TRIQK: variants seen among roughly 807,000 people sequenced by gnomAD.
The protein encoded by TRIQK is triple QxxK/R motif containing.
Under a neutral mutation model 10.8 loss-of-function variants are expected in TRIQK, and 10 were observed. The observed-to-expected ratio is 0.92, with a 90% CI of 0.57 to 1.57. The LOEUF is 1.57. Ranked by LOEUF, TRIQK falls within the 40% of genes most tolerant of loss-of-function variation. The probability of loss-of-function intolerance (pLI) is 0.00; values close to 1 mark genes in which losing one functional copy is unlikely to be tolerated. For missense variants in TRIQK, 107 were observed against 97.7 expected, an observed-to-expected ratio of 1.09 and a Z score of -0.40; for synonymous variants, 33 against 33.7, an observed-to-expected ratio of 0.98 and a Z score of 0.07.
chr8:92,970,363 T>G (rs1313411898), upstream of TRIQK, among the ~76,000 whole-genome samples: 1 of 152,208 alleles, frequency 6.6e-6, no homozygotes, highest in African/African-American at 2.4e-5. Flanking sequence ...TCTAGGTCTT[T>G]AAGGAATTGC....
chr8:92,938,370 C>A (rs1264001785), intron 2 of TRIQK, among the ~76,000 whole-genome samples: 1 of 151,858 alleles, frequency 6.6e-6, no homozygotes, highest in African/African-American at 2.4e-5. Flanking sequence ...CATCACCAAC[C>A]ATTTTAAATT....
intron 1 of TRIQK, among the ~76,000 whole-genome samples, chr8:92,957,777 ACTT>A (rs1318062349): frequency 6.6e-6 from 1 of 151,810 alleles, no homozygotes; most frequent in Non-Finnish European, 1.5e-5. Context: ...TTTATAAGTA[ACTT>A]CTTAATATTC....
At chr8:92,895,924 A>T (rs980127568) in intron 3 of TRIQK, among the ~76,000 whole-genome samples, 2 of 150,952 alleles carry the variant, frequency 1.3e-5, no homozygotes, top group Admixed American at 6.6e-5. Flanking sequence ...TGTAAAGAAT[A>T]AAAAAAAAGT....
At chr8:93,014,519 A>C (rs911588236) in intron 1 of TRIQK, among the ~76,000 whole-genome samples, 3 of 152,188 alleles carry the variant, frequency 2.0e-5, no homozygotes, top group Admixed American at 6.5e-5. Flanking sequence ...CAGTTTTGTG[A>C]GTCTTACTGG....
At chr8:92,948,538 A>C (rs1189755679) in intron 2 of TRIQK, among the ~76,000 whole-genome samples, 7 of 152,340 alleles carry the variant, frequency 4.6e-5, no homozygotes, top group Non-Finnish European at 5.9e-5. Flanking sequence ...TCATTGCAAC[A>C]GGAAAGTTGT....
At chr8:92,964,690 C>G (rs1395596213) in intron 1 of TRIQK, among the ~76,000 whole-genome samples, 1 of 150,720 alleles carries the variant, frequency 6.6e-6, no homozygotes, top group Non-Finnish European at 1.5e-5. Flanking sequence ...AAATTTGGAT[C>G]ATATACACAA....
At chr8:93,004,774 A>T (rs745674935) in intron 1 of TRIQK, among the ~76,000 whole-genome samples, 12 of 152,314 alleles carry the variant, frequency 7.9e-5, no homozygotes, top group Non-Finnish European at 1.6e-4. Context: ...AGTTCCACAG[A>T]TCCCTACAGC....
At chr8:92,941,042 G>T (rs530229072) in intron 2 of TRIQK, 1 of 152,084 alleles carries the variant, frequency 6.6e-6, no homozygotes, top group East Asian at 1.9e-4. Flanking sequence ...GGTTAATGAA[G>T]AAATTAAAAG....
chr8:92,930,205 C>G (rs1402366919), intron 2 of TRIQK, among the ~76,000 whole-genome samples: 1 of 150,330 alleles, frequency 6.7e-6, no homozygotes, highest in Non-Finnish European at 1.5e-5. Flanking sequence ...TGGTGAAACA[C>G]CCCCCCACCC....
chr8:92,902,454 G>A (rs1363225166), intron 3 of TRIQK, among the ~76,000 whole-genome samples: 1 of 152,150 alleles, frequency 6.6e-6, no homozygotes, highest in Non-Finnish European at 1.5e-5. Context: ...CAAAGGTGAA[G>A]TACGGGAAAG....
intron 3 of TRIQK, among the ~76,000 whole-genome samples, chr8:92,898,430 A>G (rs1808724284): frequency 6.6e-6 from 1 of 152,216 alleles, no homozygotes; most frequent in East Asian, 1.9e-4. Context: ...ACTGAGATTC[A>G]CCTGTTTTTC....
chr8:92,997,900 A>T (rs1469833724), intron 1 of TRIQK, among the ~76,000 whole-genome samples: 1 of 152,088 alleles, frequency 6.6e-6, no homozygotes, highest in African/African-American at 2.4e-5. Flanking sequence ...GTTTATTATT[A>T]TAAGATTTCA....
chr8:92,970,422 T>G (rs1812862954), upstream of TRIQK, among the ~76,000 whole-genome samples: 1 of 152,232 alleles, frequency 6.6e-6, no homozygotes, highest in Admixed American at 6.5e-5. Flanking sequence ...CCACCAACAG[T>G]GTAAAAGTGT....
chr8:92,991,064 G>T (rs556922994), intron 1 of TRIQK, among the ~76,000 whole-genome samples: 3 of 152,266 alleles, frequency 2.0e-5, no homozygotes, highest in South Asian at 4.1e-4. Flanking sequence ...TGGCTTGGTG[G>T]GGGGAGGGAG....
chr8:92,914,234 A>G (rs1463271297), intron 3 of TRIQK, among the ~76,000 whole-genome samples: 3 of 152,164 alleles, frequency 2.0e-5, no homozygotes, highest in African/African-American at 7.2e-5. Flanking sequence ...CCTTTTAGGT[A>G]TAGAATGAAT....
At chr8:92,917,694 A>G (rs974668947) in intron 2 of TRIQK, among the ~76,000 whole-genome samples, 1 of 152,054 alleles carries the variant, frequency 6.6e-6, no homozygotes, top group Non-Finnish European at 1.5e-5. Flanking sequence ...AATAATTGGG[A>G]TATCCATCAC....
chr8:92,947,247 T>C (rs1026557892), intron 2 of TRIQK, among the ~76,000 whole-genome samples: 1 of 111,238 alleles, frequency 9.0e-6, no homozygotes, highest in Non-Finnish European at 2.0e-5. Context: ...CAACAGTGTT[T>C]ATATATATAT....
intron 1 of TRIQK, among the ~76,000 whole-genome samples, chr8:92,982,242 C>T (rs1282440552): frequency 6.6e-6 from 1 of 151,538 alleles, no homozygotes; most frequent in Non-Finnish European, 1.5e-5. Context: ...TACTACATCA[C>T]CTGGATATTT....
chr8:92,895,549 AT>A (rs1204907682), intron 3 of TRIQK, among the ~76,000 whole-genome samples: 1 of 152,162 alleles, frequency 6.6e-6, no homozygotes, highest in Non-Finnish European at 1.5e-5. Flanking sequence ...CTTAGGGATT[AT>A]TTGAGTAGTC....
Sources: gnomAD v4.1 joint callset for allele counts (sites outside exome capture counted in the v4.1 genomes callset) on GRCh38, gnomAD v4.1.1 for gene constraint, MANE v1.5 for transcripts, NCBI Gene and HGNC (gene_info 2026-07-23, HGNC 2026-07-21) for gene names.